The following NCOR2 variants were observed in gnomAD, a reference collection of about 807,000 sequenced individuals.
The protein encoded by NCOR2 is nuclear receptor corepressor 2, also known as CTG repeat protein 26.
In NCOR2, 81 loss-of-function variants were observed where a neutral mutation model predicts 262.9. That is an observed-to-expected ratio of 0.31 (90% CI 0.26 to 0.37). NCOR2 has a LOEUF of 0.37. Ranked by LOEUF, NCOR2 falls within the 10% of genes least tolerant of loss-of-function variation. The pLI is 1.00. For synonymous variants in NCOR2, 1,659 were observed against 1,559.3 expected (o/e 1.06, Z -1.51); for missense variants, 3,385 against 3,621.4 (o/e 0.93, Z 1.68).
chr12:124,325,388 C>CCCCCCCCCCCCGGGGGGGGG, exon 47 of NCOR2: 3 of 693,388 alleles, frequency 4.3e-6, no homozygotes, highest in Non-Finnish European at 4.0e-6. Flanking sequence ...CCCCCCCCCC[C>CCCCCCCCCCCCGGGGGGGGG]GCCCTGTTCT....
At chr12:124,348,489 G>C in intron 28 of NCOR2, 175 bp from the exon 31 acceptor site, 1 of 840,098 alleles carries the variant, frequency 1.2e-6, no homozygotes, top group Non-Finnish European at 1.8e-6. Context: ...AGGCCCTGGG[G>C]GCCTGCCAGC....
chr12:124,398,664 T>A (rs1170436112), intron 15 of NCOR2, among the ~76,000 whole-genome samples: 1 of 152,176 alleles, frequency 6.6e-6, no homozygotes, highest in African/African-American at 2.4e-5. Context: ...TGTGGGGCTG[T>A]CCCATCACGG....
chr12:124,492,391 G>C (rs965016604), intron 1 of NCOR2, among the ~76,000 whole-genome samples: 2 of 152,194 alleles, frequency 1.3e-5, no homozygotes, highest in Non-Finnish European at 2.9e-5. Context: ...AAGCCACACT[G>C]AGGTCTCACA....
chr12:124,389,472 G>T lies in NCOR2; in HGVS notation c.1877-3585C>A, dbSNP rs534739335. 1.7e-4 allele frequency among the ~76,000 whole-genome samples: 26 copies of T among 152,260 alleles called. No individual in the cohort carries two copies. The highest frequency in any genetic ancestry group is 5.8e-4 in the African/African-American group (24 of 41,554). On this transcript the variant is annotated intron_variant, in intron 16 of 46. Transcript: ENST00000405201. This position sits in a 1 kb window ranked among gnomAD's most constrained non-coding sequence, Gnocchi z 4.4. ...CGCGGCGGTGGCGGCGTCAGCAGTG[G>T]TAAGAACAGATGAGGGTTCCAGAAA...
chr12:124,479,332 A>G (rs1018008540), intron 3 of NCOR2, among the ~76,000 whole-genome samples: 2 of 149,340 alleles, frequency 1.3e-5, no homozygotes, highest in Non-Finnish European at 2.9e-5. Flanking sequence ...ACACGTGCGC[A>G]CACAAACACA....
At chr12:124,437,849 C>T in intron 8 of NCOR2, 81 bp downstream of exon 10, 4 of 1,358,920 alleles carry the variant, frequency 2.9e-6, no homozygotes, top group African/African-American at 1.4e-5. Context: ...ACTGACAGGG[C>T]CCCGGCAGGT....
Position 124,517,712 on chromosome 12 carries a change from CAAG to C in NCOR2, c.-118+17850_-118+17852del, listed in dbSNP as rs2137062890. Among the ~76,000 whole-genome samples, 1 of 152,336 alleles carries C rather than the reference CAAG, an allele frequency of 6.6e-6. No individual in the cohort carries two copies. Among genetic ancestry groups the C allele is most frequent in the East Asian group, 1.9e-4 (1 of 5,174 alleles). ...CCCCCCAGGGACGCCGGATGTGCAC[CAAG>C]GAGAGGAGCACAGTGCCCACCCGGG... On this transcript the variant is annotated intron_variant, in intron 1 of 46. Coordinates refer to the NCOR2 transcript ENST00000404621. This position sits in a 1 kb window ranked among gnomAD's most constrained non-coding sequence, Gnocchi z 7.6.
chr12:124,447,414 C>A (rs542474688), intron 7 of NCOR2, among the ~76,000 whole-genome samples: 47 of 152,282 alleles, frequency 3.1e-4, no homozygotes, highest in Middle Eastern at 6.8e-3. Flanking sequence ...GAAGCAATAT[C>A]TATTTGCTGG....
intron 43 of NCOR2, 145 bp downstream of exon 45, chr12:124,332,174 G>C (rs1380642148): frequency 1.0e-6 from 1 of 985,464 alleles, no homozygotes; most frequent in African/African-American, 1.6e-5. Context: ...GTGAGGCAAA[G>C]GGCCTGGGGG....
chr12:124,547,317 G>T (rs1195769178), intron 1 of NCOR2, among the ~76,000 whole-genome samples: 7 of 152,116 alleles, frequency 4.6e-5, no homozygotes, highest in African/African-American at 1.7e-4. Flanking sequence ...ATTAGTTATG[G>T]TTGTTAATCT....
chr12:124,350,060 C>T (rs1256607234), intron 28 of NCOR2, among the ~76,000 whole-genome samples: 1 of 152,118 alleles, frequency 6.6e-6, no homozygotes, highest in Non-Finnish European at 1.5e-5. Flanking sequence ...TAGCAGCTTT[C>T]ATCTCCACAC....
At chr12:124,425,100 C>T (rs769491606) in intron 11 of NCOR2, among the ~76,000 whole-genome samples, 4 of 152,190 alleles carry the variant, frequency 2.6e-5, no homozygotes, top group Non-Finnish European at 5.9e-5. Context: ...TTTGGCCAGG[C>T]GTGGTGGCTC....
chr12:124,438,786 G>GAC (rs1424185756), intron 7 of NCOR2, among the ~76,000 whole-genome samples: 2 of 137,608 alleles, frequency 1.5e-5, no homozygotes. Flanking sequence ...GACAGAGAGA[G>GAC]AGAGAGAGAG....
intron 33 of NCOR2, 42 bp from the exon 36 acceptor site, chr12:124,342,116 A>G (rs1478933194): frequency 1.3e-6 from 2 of 1,572,902 alleles, no homozygotes; most frequent in Admixed American, 1.7e-5. Context: ...AGCCATACCT[A>G]GGCCTGATGG....
rs1240704357 is a variant in NCOR2 at position 124,503,621 on chromosome 12, T to TGGAC, written c.-117-8254_-117-8253insGTCC. On this transcript the variant is annotated intron_variant, in intron 1 of 46. Coordinates refer to the NCOR2 transcript ENST00000404621. The surrounding 1 kb of genome is among the most constrained non-coding windows in gnomAD (Gnocchi z 4.3). ...ATGGATGGACGGACGGACGGATGGA[T>TGGAC]GGATGGATGGATGGGCGAATGGATG... is the stretch of plus-strand genomic sequence containing the variant. 1.4e-5 allele frequency among the ~76,000 whole-genome samples: 2 copies of TGGAC among 138,346 alleles called. No homozygotes were observed. The highest frequency in any genetic ancestry group is 3.2e-5 in the Non-Finnish European group (2 of 63,264). 90.8% of individuals were successfully genotyped at this position (138,346 alleles called of 152,430 possible).
intron 14 of NCOR2, 74 bp from the exon 17 acceptor site, chr12:124,400,747 T>G: frequency 1.3e-6 from 2 of 1,552,088 alleles, no homozygotes; most frequent in South Asian, 2.3e-5. Context: ...AGGAGACTGT[T>G]TCTTTAGCTG....
In NCOR2 at chr12:124,483,594, A is replaced by G; in HGVS notation, c.411+2T>C. On this transcript the variant is annotated splice_donor_variant, in intron 3 of 46. Coordinates refer to ENST00000405201, the Ensembl canonical transcript of NCOR2. LOFTEE classifies it high-confidence loss of function. This position sits in a 1 kb window ranked among gnomAD's most constrained non-coding sequence, Gnocchi z 6.3. ...AGCTCCCAGCTGGGGGCCCAGGCTT[A>G]CCTTGGTGAGGTCTTCAGATCCCGC... The G allele has an allele frequency of 6.3e-7, 1 of 1,588,598 alleles. No individual in the cohort carries two copies. The highest frequency in any genetic ancestry group is 8.6e-7 in the Non-Finnish European group (1 of 1,168,664).
intron 20 of NCOR2, among the ~76,000 whole-genome samples, chr12:124,370,024 C>G (rs1403265603): frequency 1.3e-5 from 2 of 152,200 alleles, no homozygotes; most frequent in African/African-American, 4.8e-5. Flanking sequence ...CAGCGGTCCC[C>G]CGGCGAAGGC....
intron 44 of NCOR2, among the ~76,000 whole-genome samples, chr12:124,327,863 C>T (rs2034822693): frequency 6.6e-6 from 1 of 151,956 alleles, no homozygotes; most frequent in Admixed American, 6.6e-5. Context: ...CTGGTTCCTT[C>T]TACCTGGGGC....
Sources: allele counts gnomAD v4.1 joint callset (sites outside exome capture counted in the v4.1 genomes callset), GRCh38; gene constraint gnomAD v4.1.1; non-coding constraint Gnocchi (gnomAD v3.1); transcripts MANE v1.5; gene names NCBI Gene and HGNC (gene_info 2026-07-23, HGNC 2026-07-21).